RGS21: variants seen among roughly 807,000 people sequenced by gnomAD.
RGS21 encodes the protein regulator of G-protein signalling 21.
RGS21 carries 19 observed loss-of-function variants against 18.7 expected under a neutral mutation model. The observed-to-expected ratio is 1.01, with a 90% confidence interval of 0.71 to 1.49. The LOEUF (loss-of-function observed/expected upper bound fraction) is 1.49. Ranked by LOEUF, RGS21 falls within the 40% of genes most tolerant of loss-of-function variation. The pLI, the probability that RGS21 is intolerant of heterozygous loss-of-function variation, is 0.00. For missense variants in RGS21, 194 were observed against 176.8 expected, an observed-to-expected ratio of 1.10 and a Z score of -0.55; for synonymous variants, 56 against 57.8, an observed-to-expected ratio of 0.97 and a Z score of 0.14.
chr1:192,338,490 T>C (rs1460731195), intron 1 of RGS21, among the ~76,000 whole-genome samples: 1 of 152,144 alleles, frequency 6.6e-6, no homozygotes, highest in Non-Finnish European at 1.5e-5. Flanking sequence ...TGCGATTTTG[T>C]GGTGAACTGT....
intron 1 of RGS21, among the ~76,000 whole-genome samples, chr1:192,327,510 T>C (rs924970129): frequency 2.9e-4 from 44 of 152,138 alleles, no homozygotes; most frequent in Admixed American, 1.4e-3. Context: ...TTCACTCTTG[T>C]TGCCCAGGCT....
chr1:192,327,517 G>A (rs1213562984), intron 1 of RGS21, among the ~76,000 whole-genome samples: 1 of 151,676 alleles, frequency 6.6e-6, no homozygotes, highest in East Asian at 1.9e-4. Flanking sequence ...TTGTTGCCCA[G>A]GCTGGAGTGC....
intron 1 of RGS21, among the ~76,000 whole-genome samples, chr1:192,333,964 A>C (rs1193944527): frequency 6.6e-6 from 1 of 152,196 alleles, no homozygotes; most frequent in Non-Finnish European, 1.5e-5. Context: ...TTATGTCAAA[A>C]TAAAAAGCTG....
intron 2 of RGS21, among the ~76,000 whole-genome samples, chr1:192,344,488 T>A (rs999908794): frequency 1.3e-5 from 2 of 152,110 alleles, no homozygotes; most frequent in Non-Finnish European, 2.9e-5. Context: ...AAATGAAGTC[T>A]ATGATATGCG....
chr1:192,330,666 G>A (rs943869606), intron 1 of RGS21, among the ~76,000 whole-genome samples: 3 of 152,178 alleles, frequency 2.0e-5, no homozygotes, highest in African/African-American at 4.8e-5. Flanking sequence ...GTTAAGAGAC[G>A]CATTAATCAC....
intron 1 of RGS21, among the ~76,000 whole-genome samples, chr1:192,321,995 G>T (rs1287835782): frequency 1.3e-5 from 2 of 152,078 alleles, no homozygotes; most frequent in Non-Finnish European, 2.9e-5. Context: ...ATTTGATGCA[G>T]ATTTTTCTTA....
At chr1:192,362,668 C>G (rs1315223561) in intron 4 of RGS21, among the ~76,000 whole-genome samples, 1 of 152,098 alleles carries the variant, frequency 6.6e-6, no homozygotes, top group South Asian at 2.1e-4. Flanking sequence ...ACTTAGCTAC[C>G]AATTGCTGAT....
At position 192,352,183 on chromosome 1, in the gene RGS21, T is replaced by G; in HGVS notation, c.225T>G (p.Ser75=). The change falls in exon 4 of 5, where the codon TCT becomes TCG. Residue 75 remains serine (S), a synonymous_variant. Transcript: ENST00000417209. ...KIASKAKMIY[S]EFIEADAPKE... ...CTTCCAAAGCCAAGATGATTTATTC[T>G]GAATTCATTGAAGCTGATGCACCTA... The G allele has an allele frequency of 6.2e-7, 1 of 1,609,448 alleles. No homozygotes were observed. The highest frequency in any genetic ancestry group is 8.5e-7 in the Non-Finnish European group (1 of 1,177,952).
chr1:192,334,243 C>T (rs1046277634), intron 1 of RGS21, among the ~76,000 whole-genome samples: 8 of 152,114 alleles, frequency 5.3e-5, no homozygotes, highest in Admixed American at 6.5e-5. Context: ...ATTTAAAGAG[C>T]GTACTTGTCA....
chr1:192,327,259 T>C (rs1456878940), intron 1 of RGS21, among the ~76,000 whole-genome samples: 2 of 151,822 alleles, frequency 1.3e-5, no homozygotes, highest in South Asian at 4.2e-4. Flanking sequence ...CAGTATAAAA[T>C]GTGCAGAGTT....
intron 3 of RGS21, among the ~76,000 whole-genome samples, chr1:192,351,743 G>A (rs1199191586): frequency 1.4e-5 from 2 of 145,098 alleles, no homozygotes; most frequent in African/African-American, 5.0e-5. Context: ...ATGCTATATA[G>A]CATATATAAC....
chr1:192,336,042 C>G (rs1289178448), intron 1 of RGS21, among the ~76,000 whole-genome samples: 1 of 152,186 alleles, frequency 6.6e-6, no homozygotes, highest in Admixed American at 6.5e-5. Flanking sequence ...GCGTAATGCT[C>G]TTCCGTGTAA....
intron 1 of RGS21, among the ~76,000 whole-genome samples, chr1:192,318,994 C>G (rs1658459221): frequency 6.6e-6 from 1 of 151,886 alleles, no homozygotes. Flanking sequence ...CTTGGGGAGG[C>G]CAGAATGGGA....
At chr1:192,352,347 A>G (rs1020005922) in intron 4 of RGS21, 134 bp downstream of exon 4, 4 of 569,398 alleles carry the variant, frequency 7.0e-6, no homozygotes, top group Non-Finnish European at 1.1e-5. Context: ...GTAGATTCCA[A>G]GAGAAATTCC....
At chr1:192,322,957 AT>A (rs1314792582) in intron 1 of RGS21, among the ~76,000 whole-genome samples, 1 of 152,122 alleles carries the variant, frequency 6.6e-6, no homozygotes, top group Non-Finnish European at 1.5e-5. Flanking sequence ...AAAACCTGTC[AT>A]GATGATGTAA....
intron 1 of RGS21, among the ~76,000 whole-genome samples, chr1:192,332,613 C>T (rs999863036): frequency 3.3e-5 from 5 of 151,992 alleles, no homozygotes; most frequent in African/African-American, 1.2e-4. Flanking sequence ...TTGAACTTTA[C>T]CAAAATTAAA....
chr1:192,359,653 G>GTA (rs1202366412), intron 4 of RGS21, among the ~76,000 whole-genome samples: 104 of 104,494 alleles, frequency 1.0e-3, no homozygotes, highest in African/African-American at 4.1e-3. Flanking sequence ...ATGTGTGTGT[G>GTA]TGTATATATA....
Position 192,350,802 on chromosome 1 carries a change from T to C in RGS21, c.89-1245T>C, listed in dbSNP as rs569735649. Among the ~76,000 whole-genome samples, 9 of 152,316 alleles carry C rather than the reference T, an allele frequency of 5.9e-5. No individual in the cohort carries two copies. The South Asian group carries it at 1.9e-3, about 32-fold the overall frequency. Reference sequence around the variant, plus strand: ...TGTTGTCTAACTAGAGGCACTTACCTTCTCACATAAGCTCTGGGTATGCCA... The same window carrying C: ...TGTTGTCTAACTAGAGGCACTTACCCTCTCACATAAGCTCTGGGTATGCCA... On this transcript the variant is annotated intron_variant, in intron 3 of 4. Coordinates refer to ENST00000417209, the MANE Select transcript of RGS21 (RefSeq NM_001039152.3).
At chr1:192,359,655 G>GTGTGTATATATATATA (rs1553241170) in intron 4 of RGS21, among the ~76,000 whole-genome samples, 3 of 124,274 alleles carry the variant, frequency 2.4e-5, no homozygotes, top group African/African-American at 8.9e-5. Context: ...GTGTGTGTGT[G>GTGTGTATATATATATA]TATATATATA....
Sources: allele counts gnomAD v4.1 joint callset (sites outside exome capture counted in the v4.1 genomes callset), GRCh38; gene constraint gnomAD v4.1.1; transcripts MANE v1.5; gene names NCBI Gene and HGNC (gene_info 2026-07-23, HGNC 2026-07-21).